Variants in CSE1L observed in about 807,000 individuals in gnomAD.
CSE1L encodes the protein exportin-2.
In CSE1L, 24 loss-of-function variants were observed where a neutral mutation model predicts 120.4. That is an observed-to-expected ratio of 0.20 (90% CI 0.14 to 0.28). The LOEUF is 0.28. Among genes scored for constraint, CSE1L ranks in the 10% least tolerant of loss-of-function variants. The pLI, the probability that CSE1L is intolerant of heterozygous loss-of-function variation, is 1.00. For synonymous variants in CSE1L, 402 were observed against 398.3 expected (o/e 1.01, Z -0.11); for missense variants, 830 against 1,145.2 (o/e 0.72, Z 3.97).
At chr20:49,076,520 CTTTTTTTTTTTTTTT>C (rs35713931) in intron 12 of CSE1L, among the ~76,000 whole-genome samples, 1 of 79,578 alleles carries the variant, frequency 1.3e-5, no homozygotes, top group Non-Finnish European at 2.3e-5. Context: ...CCCTCTCTCT[CTTTTTTTTTTTTTTT>C]TTTTTTTTTT....
chr20:49,091,831 A>G (rs2092103873), intron 21 of CSE1L, among the ~76,000 whole-genome samples: 1 of 152,222 alleles, frequency 6.6e-6, no homozygotes, highest in South Asian at 2.1e-4. Context: ...ACATTTTTTC[A>G]GTAGAGAGAA....
At chr20:49,088,157 T>C in intron 17 of CSE1L, 51 bp downstream of exon 17, 1 of 1,244,748 alleles carries the variant, frequency 8.0e-7, no homozygotes. Flanking sequence ...TGCTCCAAAC[T>C]GTTTGGGCCT....
chr20:49,055,846 A>G (rs1407010552), intron 1 of CSE1L, among the ~76,000 whole-genome samples: 1 of 152,182 alleles, frequency 6.6e-6, no homozygotes, highest in Non-Finnish European at 1.5e-5. Flanking sequence ...TCACTGTTCT[A>G]CATTTTGGAG....
intron 1 of CSE1L, among the ~76,000 whole-genome samples, chr20:49,048,443 T>C (rs559368940): frequency 6.6e-6 from 1 of 152,282 alleles, no homozygotes; most frequent in Admixed American, 6.5e-5. Context: ...TTGAGGACCA[T>C]GTATTCTCGT....
intron 14 of CSE1L, among the ~76,000 whole-genome samples, chr20:49,082,713 G>T (rs2092023165): frequency 6.6e-6 from 1 of 151,796 alleles, no homozygotes; most frequent in African/African-American, 2.4e-5. Flanking sequence ...AGTAGAGACG[G>T]GGTTTCACTG....
At chr20:49,066,564 T>C (rs949716243) in intron 5 of CSE1L, 54 bp downstream of exon 5, 56 of 1,491,190 alleles carry the variant, frequency 3.8e-5, no homozygotes, top group Admixed American at 2.1e-5. Flanking sequence ...TTTATTTGCT[T>C]GTGTAAACAG....
chr20:49,080,005 C>T (rs1044049738), intron 14 of CSE1L, among the ~76,000 whole-genome samples: 10 of 152,066 alleles, frequency 6.6e-5, no homozygotes, highest in Non-Finnish European at 1.5e-5. Flanking sequence ...ACCCAGGAGG[C>T]GAAGGTTGCA....
At chr20:49,061,806 A>ATT (rs201001289) in intron 2 of CSE1L, among the ~76,000 whole-genome samples, 1 of 148,942 alleles carries the variant, frequency 6.7e-6, no homozygotes, top group Non-Finnish European at 1.5e-5. Flanking sequence ...CCCGGCAATT[A>ATT]TTTTTTTTTT....
chr20:49,092,351 G>A (rs990548058), intron 22 of CSE1L, among the ~76,000 whole-genome samples: 2 of 151,750 alleles, frequency 1.3e-5, no homozygotes, highest in East Asian at 1.9e-4. Context: ...TGAGGAGGGC[G>A]GATTTAGCTC....
At chr20:49,052,553 G>A (rs184731186) in intron 1 of CSE1L, among the ~76,000 whole-genome samples, 101 of 152,318 alleles carry the variant, frequency 6.6e-4, no homozygotes, top group Non-Finnish European at 1.2e-3. Context: ...AGAGCCAGGA[G>A]GAGGTAGGAG....
In CSE1L at chr20:49,084,172, T is replaced by G; in HGVS notation, c.1619+10T>G. The G allele has an allele frequency of 6.2e-7, 1 of 1,613,184 alleles. No individual in the cohort carries two copies. Among genetic ancestry groups the G allele is most frequent in the East Asian group, 2.2e-5 (1 of 44,862 alleles). ...CTAACAATGCCACTCTGTGAGTATTTTATTCTAAAGTTTTTTAGCCTGGGG... is the reference window on the plus strand; with the variant it reads ...CTAACAATGCCACTCTGTGAGTATTGTATTCTAAAGTTTTTTAGCCTGGGG... On this transcript the variant is annotated intron_variant, in intron 15 of 24. Transcript: ENST00000262982.
chr20:49,086,529 C>T (rs879611551), intron 16 of CSE1L, among the ~76,000 whole-genome samples: 1 of 151,834 alleles, frequency 6.6e-6, no homozygotes, highest in Non-Finnish European at 1.5e-5. Flanking sequence ...CCATGCCCAG[C>T]TAATTTTGTA....
chr20:49,056,580 C>A (rs2091809081), intron 1 of CSE1L, among the ~76,000 whole-genome samples: 1 of 152,132 alleles, frequency 6.6e-6, no homozygotes, highest in Non-Finnish European at 1.5e-5. Context: ...TTTATCGTCT[C>A]ACCAACAAGT....
chr20:49,095,144 A>G (rs1400220515), intron 24 of CSE1L, 181 bp downstream of exon 24: 4 of 685,160 alleles, frequency 5.8e-6, no homozygotes, highest in Non-Finnish European at 1.1e-5. Flanking sequence ...TGTATTATGT[A>G]CTACAAATAT....
intron 16 of CSE1L, among the ~76,000 whole-genome samples, 176 bp downstream of exon 16, chr20:49,085,562 ATTTTT>A (rs11471947): frequency 3.7e-5 from 3 of 80,252 alleles, no homozygotes; most frequent in South Asian, 4.6e-4. Context: ...ACTAACAATA[ATTTTT>A]TTTTTTTTTT....
intron 16 of CSE1L, among the ~76,000 whole-genome samples, chr20:49,087,351 C>CTTTTTTTT (rs11483071): frequency 3.2e-4 from 37 of 116,262 alleles, no homozygotes; most frequent in African/African-American, 6.9e-4. Context: ...TTTTCTTTTT[C>CTTTTTTTT]TTTTTTTTTT....
intron 1 of CSE1L, among the ~76,000 whole-genome samples, chr20:49,051,087 A>G (rs998356386): frequency 6.6e-6 from 1 of 152,250 alleles, no homozygotes; most frequent in Non-Finnish European, 1.5e-5. Flanking sequence ...GGAGTTTACA[A>G]TCTAGTGAAG....
chr20:49,072,514 T>G (rs1311561456), intron 9 of CSE1L, 54 bp from the exon 10 acceptor site: 8 of 1,605,648 alleles, frequency 5.0e-6, no homozygotes, highest in Non-Finnish European at 6.8e-6. Context: ...CTCCAAGAAA[T>G]AAGCTGTTGA....
intron 12 of CSE1L, among the ~76,000 whole-genome samples, chr20:49,075,769 A>C (rs905468761): frequency 6.6e-6 from 1 of 152,172 alleles, no homozygotes; most frequent in African/African-American, 2.4e-5. Flanking sequence ...AATATGCTTA[A>C]CTTAAACTTA....
Sources: gnomAD v4.1 joint callset for allele counts (sites outside exome capture counted in the v4.1 genomes callset) on GRCh38, gnomAD v4.1.1 for gene constraint, MANE v1.5 for transcripts, NCBI Gene and HGNC (gene_info 2026-07-23, HGNC 2026-07-21) for gene names.